Variants in MYOM1 observed in about 807,000 individuals in gnomAD.
MYOM1 encodes myomesin-1.
A neutral mutation model predicts 205.3 loss-of-function variants in MYOM1; 164 were observed. The observed-to-expected ratio is 0.80, with a 90% CI of 0.70 to 0.91. The LOEUF is 0.91. Ranked by LOEUF, MYOM1 falls within the 40% of genes least tolerant of loss-of-function variation. The probability of loss-of-function intolerance (pLI) is 0.00; values close to 1 mark genes in which losing one functional copy is unlikely to be tolerated. For missense variants in MYOM1, 2,011 were observed against 2,127.3 expected (o/e 0.95, Z 1.08); for synonymous variants, 772 against 789.4 (o/e 0.98, Z 0.37).
intron 9 of MYOM1, among the ~76,000 whole-genome samples, chr18:3,165,586 A>G (rs923823627): frequency 6.6e-6 from 1 of 151,940 alleles, no homozygotes; most frequent in Non-Finnish European, 1.5e-5. Context: ...TAACTGCCTT[A>G]TGTGCTTTAT....
At position 3,135,619 on chromosome 18, in the gene MYOM1, G is replaced by A. The variant is rs375858580; in HGVS notation, c.2137C>T (p.Arg713Cys). 2.2e-4 allele frequency: 353 copies of A among 1,613,788 alleles called. No homozygotes were observed. The highest frequency in any genetic ancestry group is 2.9e-4 in the Non-Finnish European group (342 of 1,179,876). The change falls in exon 15 of 38, where the codon CGC becomes TGC. Residue 713 changes from arginine to cysteine, a missense_variant. Coordinates refer to ENST00000356443, the MANE Select transcript of MYOM1 (RefSeq NM_003803.4). The surrounding 1 kb of genome is among the most constrained non-coding windows in gnomAD (Gnocchi z 4.1). The part of the protein sequence containing the change: ...AEGKSYCFRV[R>C]CSNSAGVGEP... ...CCAACTCCTGCAGAATTAGAACAGC[G>A]GACACGGAAACAGTAGGATTTCCCC...
chr18:3,157,677 CAAAAAT>C (rs767295981), intron 10 of MYOM1, among the ~76,000 whole-genome samples: 2 of 94,532 alleles, frequency 2.1e-5, no homozygotes, highest in Non-Finnish European at 4.1e-5. Context: ...ACCTTGTCTC[CAAAAAT>C]AATAATAATA....
intron 17 of MYOM1, 69 bp from the exon 18 acceptor site, chr18:3,129,588 G>A: frequency 6.8e-7 from 1 of 1,477,796 alleles, no homozygotes; most frequent in Non-Finnish European, 9.1e-7. Flanking sequence ...TTATAGGATA[G>A]AACAAAGAGA....
At chr18:3,116,191 C>T (rs954606638) in intron 21 of MYOM1, 140 bp downstream of exon 21, 2 of 858,008 alleles carry the variant, frequency 2.3e-6, no homozygotes, top group African/African-American at 3.4e-5. Context: ...CAGCCCCAAC[C>T]TCTGCCAGTG....
At chr18:3,239,171 A>G in the MYOM1 span, among the ~76,000 whole-genome samples, 1 of 152,212 alleles carries the variant, frequency 6.6e-6, no homozygotes, top group Non-Finnish European at 1.5e-5. Flanking sequence ...ACTCCAACAG[A>G]GAGAACTTGA....
At chr18:3,086,207 G>T in intron 29 of MYOM1, 56 bp from the exon 30 acceptor site, 1 of 1,075,608 alleles carries the variant, frequency 9.3e-7, no homozygotes, top group Non-Finnish European at 1.3e-6. Flanking sequence ...CTCTTGTGAA[G>T]TTGAATAGTT....
chr18:3,231,923 C>A, the MYOM1 span, among the ~76,000 whole-genome samples: 1 of 141,116 alleles, frequency 7.1e-6, no homozygotes, highest in Non-Finnish European at 1.5e-5. Context: ...ATAAAATATT[C>A]TTTCTATTAA....
At chr18:3,193,361 T>TACACACACACAC (rs58632082) in intron 3 of MYOM1, among the ~76,000 whole-genome samples, 33 of 135,896 alleles carry the variant, frequency 2.4e-4, no homozygotes, top group Admixed American at 1.1e-3. Context: ...TATATATATA[T>TACACACACACAC]ACACACACAC....
rs2079944241 is a variant in MYOM1 at position 3,135,559 on chromosome 18, C to T, written c.2197G>A (p.Gly733Arg). The change falls in exon 15 of 38, where the codon GGG becomes AGG. Residue 733 changes from glycine (G) to arginine (R), a missense_variant. Gly to Arg is a moderately radical substitution (Grantham distance 125). Transcript: ENST00000356443. The surrounding 1 kb of genome is among the most constrained non-coding windows in gnomAD (Gnocchi z 4.1). ...TACAGTTGCTTACCAAGTTTGTCCC[C>T]TACCACAGTCACCTCCGTTGCCTCT... ...PSEATEVTVV[G>R]DKLDIPKAPG... 6.2e-7 allele frequency: 1 copy of T among 1,613,446 alleles called. No individual in the cohort carries two copies. The highest frequency in any genetic ancestry group is 8.5e-7 in the Non-Finnish European group (1 of 1,179,748).
chr18:3,119,448 G>T (rs1045907156), intron 20 of MYOM1, among the ~76,000 whole-genome samples: 8 of 152,148 alleles, frequency 5.3e-5, no homozygotes, highest in Non-Finnish European at 8.8e-5. Context: ...CTTCCCAGCA[G>T]CATAACAATA....
At chr18:3,094,439 C>G (rs913377827) in intron 25 of MYOM1, 133 bp from the exon 26 acceptor site, 3 of 931,734 alleles carry the variant, frequency 3.2e-6, no homozygotes, top group Non-Finnish European at 4.7e-6. Flanking sequence ...CTTGCAAAGC[C>G]CAGAGGCAGT....
At chr18:3,108,891 T>C (rs933896661) in intron 22 of MYOM1, among the ~76,000 whole-genome samples, 21 of 152,218 alleles carry the variant, frequency 1.4e-4, no homozygotes, top group African/African-American at 4.8e-4. Context: ...CACCAGGTAG[T>C]GCCTTGTGGA....
At chr18:3,216,562 T>G (rs1230265816) in intron 1 of MYOM1, among the ~76,000 whole-genome samples, 4 of 152,138 alleles carry the variant, frequency 2.6e-5, no homozygotes, top group Non-Finnish European at 4.4e-5. Context: ...GCAAAGGCAC[T>G]GAGGAATGAA....
intron 13 of MYOM1, among the ~76,000 whole-genome samples, chr18:3,144,381 TACTC>T (rs974930073): frequency 2.6e-5 from 4 of 151,522 alleles, no homozygotes; most frequent in Admixed American, 6.6e-5. Context: ...TAATAAAAAA[TACTC>T]AATCCAAAAA....
At chr18:3,225,185 C>T in the MYOM1 span, among the ~76,000 whole-genome samples, 1 of 151,548 alleles carries the variant, frequency 6.6e-6, no homozygotes, top group South Asian at 2.1e-4. Flanking sequence ...TAGAGAGTTT[C>T]ACCGTGTTAG....
intron 21 of MYOM1, among the ~76,000 whole-genome samples, chr18:3,113,544 G>T (rs1213656433): frequency 6.6e-6 from 1 of 151,930 alleles, no homozygotes; most frequent in Non-Finnish European, 1.5e-5. Context: ...TGTTGCCCAG[G>T]CTGGTCTCAA....
At chr18:3,154,269 T>A (rs1378284925) in intron 11 of MYOM1, among the ~76,000 whole-genome samples, 1 of 152,036 alleles carries the variant, frequency 6.6e-6, no homozygotes, top group Non-Finnish European at 1.5e-5. Flanking sequence ...TTTAAAAAAA[T>A]TCATCTTTGG....
In MYOM1 at chr18:3,090,763, C is replaced by A; in HGVS notation, c.3904G>T (p.Glu1302Ter). 1 of 1,613,850 alleles carries A rather than the reference C, an allele frequency of 6.2e-7. No homozygotes were observed. Among genetic ancestry groups the A allele is most frequent in the South Asian group, 1.1e-5 (1 of 91,064 alleles). The change falls in exon 27 of 38, where the codon GAA (glutamate) becomes TAA (stop). Residue 1302 changes from glutamate to a stop codon, truncating the protein, a stop_gained. Coordinates refer to ENST00000356443, the MANE Select transcript of MYOM1 (RefSeq NM_003803.4). LOFTEE classifies it high-confidence loss of function. ...MHIDRNTGIIEMFMEKLQDED... is the reference protein window; with the variant it reads ...MHIDRNTGII ...TCCTGTAGCTTTTCCATGAACATTT[C>A]GATGATGCCAGTGTTTCGGTCAATA...
At chr18:3,067,981 C>A (rs546700471) in intron 37 of MYOM1, among the ~76,000 whole-genome samples, 1 of 151,992 alleles carries the variant, frequency 6.6e-6, no homozygotes, top group Admixed American at 6.6e-5. Flanking sequence ...ATCAAAGAGC[C>A]GGGCAGCAGA....
Sources: gnomAD v4.1 joint callset for allele counts (sites outside exome capture counted in the v4.1 genomes callset) on GRCh38, gnomAD v4.1.1 for gene constraint, Gnocchi (gnomAD v3.1) non-coding constraint, MANE v1.5 for transcripts, NCBI Gene and HGNC (gene_info 2026-07-23, HGNC 2026-07-21) for gene names.